The following ZCWPW2 variants were observed in gnomAD, a reference collection of about 807,000 sequenced individuals.
The protein encoded by ZCWPW2 is zinc finger CW-type PWWP domain protein 2.
A neutral mutation model predicts 46.6 loss-of-function variants in ZCWPW2; 45 were observed. The ratio of observed to expected loss-of-function variants is 0.96; its 90% CI spans 0.76 to 1.24. The LOEUF (loss-of-function observed/expected upper bound fraction) is 1.24, where lower values mean the gene tolerates loss of function less well. ZCWPW2 is among the 50% of genes most tolerant of loss of function. The pLI is 0.00. For synonymous variants in ZCWPW2, 152 were observed against 137.1 expected, an observed-to-expected ratio of 1.11 and a Z score of -0.76; for missense variants, 429 against 403.9, an observed-to-expected ratio of 1.06 and a Z score of -0.53.
intron 6 of ZCWPW2, among the ~76,000 whole-genome samples, chr3:28,506,621 A>G (rs1700285768): frequency 6.6e-6 from 1 of 152,096 alleles, no homozygotes; most frequent in South Asian, 2.1e-4. Flanking sequence ...CAAGGTAAGG[A>G]TAGTAAGATG....
chr3:28,474,405 T>C (rs564210119), intron 4 of ZCWPW2, among the ~76,000 whole-genome samples: 2 of 152,188 alleles, frequency 1.3e-5, no homozygotes, highest in Non-Finnish European at 2.9e-5. Flanking sequence ...AAATGACATA[T>C]GGACAAAATG....
chr3:28,496,912 C>T (rs1218344315), intron 6 of ZCWPW2, among the ~76,000 whole-genome samples: 1 of 151,116 alleles, frequency 6.6e-6, no homozygotes. Context: ...AAGTAAGTAA[C>T]TGCTTCTAGA....
intron 1 of ZCWPW2, among the ~76,000 whole-genome samples, chr3:28,376,581 C>G (rs1315871580): frequency 6.6e-6 from 1 of 152,090 alleles, no homozygotes; most frequent in African/African-American, 2.4e-5. Context: ...AAGTCTGATT[C>G]TCTATACTGT....
intron 4 of ZCWPW2, chr3:28,447,658 C>A (rs540946903): frequency 1.2e-4 from 45 of 365,738 alleles, no homozygotes; most frequent in Middle Eastern, 9.3e-4. Context: ...CTAGCCAGAG[C>A]AATTAGGCAA....
chr3:28,430,467 CTTGCCT>C (rs746261535), intron 3 of ZCWPW2, among the ~76,000 whole-genome samples: 1 of 152,200 alleles, frequency 6.6e-6, no homozygotes, highest in Non-Finnish European at 1.5e-5. Flanking sequence ...ACAGAAGGGA[CTTGCCT>C]TGTCTCAGAT....
intron 5 of ZCWPW2, among the ~76,000 whole-genome samples, chr3:28,491,128 G>C (rs2125816024): frequency 6.6e-6 from 1 of 152,210 alleles, no homozygotes; most frequent in African/African-American, 2.4e-5. Context: ...TTGCAAAAGA[G>C]GTGGAGTTTT....
At chr3:28,513,445 C>T (rs1210202842) in intron 6 of ZCWPW2, among the ~76,000 whole-genome samples, 1 of 152,068 alleles carries the variant, frequency 6.6e-6, no homozygotes, top group Non-Finnish European at 1.5e-5. Context: ...TGTCAGACTG[C>T]GTACTACCTT....
rs1222240139 is a variant in ZCWPW2 at position 28,525,082 on chromosome 3, G to A, written c.*394G>A. Reference sequence around the variant, plus strand: ...AGGTAATTCAAATCTAATAAACTTAGAGAATGTATATTTGCAGTGGAATCA... The same window carrying A: ...AGGTAATTCAAATCTAATAAACTTAAAGAATGTATATTTGCAGTGGAATCA... On this transcript the variant is annotated 3_prime_UTR_variant, in exon 10 of 10. Transcript: ENST00000383768. 6.6e-6 allele frequency: 1 copy of A among 152,482 alleles called. No individual in the cohort carries two copies. The highest frequency in any genetic ancestry group is 2.4e-5 in the African/African-American group (1 of 41,430). The allele number at this position is 152,482 out of a possible 1,614,324, so 9.4% of individuals were successfully genotyped here. A position where few individuals can be genotyped will look rare whatever the true frequency, so the allele number is the denominator to read the frequency against.
At chr3:28,356,569 G>A (rs1559471199) in intron 1 of ZCWPW2, among the ~76,000 whole-genome samples, 1 of 152,170 alleles carries the variant, frequency 6.6e-6, no homozygotes, top group South Asian at 2.1e-4. Context: ...GTTTGTTGCG[G>A]CACTATTCAC....
chr3:28,458,387 A>C (rs975214528), intron 4 of ZCWPW2, among the ~76,000 whole-genome samples: 1 of 152,224 alleles, frequency 6.6e-6, no homozygotes, highest in Non-Finnish European at 1.5e-5. Flanking sequence ...TATTAGGTTC[A>C]TTAAATTGTA....
intron 2 of ZCWPW2, among the ~76,000 whole-genome samples, chr3:28,405,112 G>A (rs1696106943): frequency 6.6e-6 from 1 of 152,164 alleles, no homozygotes; most frequent in South Asian, 2.1e-4. Flanking sequence ...TGAAATAAAT[G>A]TGGTTATGGA....
chr3:28,439,463 A>C (rs1387463828), intron 4 of ZCWPW2, among the ~76,000 whole-genome samples: 3 of 152,028 alleles, frequency 2.0e-5, no homozygotes, highest in Admixed American at 2.0e-4. Context: ...CTCAAATGTT[A>C]ATCTCCTTTG....
intron 4 of ZCWPW2, among the ~76,000 whole-genome samples, chr3:28,464,573 G>A (rs1212887273): frequency 6.6e-6 from 1 of 152,048 alleles, no homozygotes; most frequent in African/African-American, 2.4e-5. Context: ...TGCCATAATA[G>A]AAGACAAATA....
At chr3:28,509,179 T>G (rs2125830034) in intron 6 of ZCWPW2, among the ~76,000 whole-genome samples, 1 of 152,320 alleles carries the variant, frequency 6.6e-6, no homozygotes, top group Non-Finnish European at 1.5e-5. Context: ...TTCATCATTT[T>G]TAATGGCTGA....
In ZCWPW2 at chr3:28,351,451, G is replaced by A. The variant is rs1187790228; in HGVS notation, c.-134+2248G>A. The A allele has an allele frequency of 2.0e-5, 3 of 151,480 alleles. No individual in the cohort carries two copies. In the East Asian group the frequency reaches 5.8e-4, roughly 29 times the overall value. 9.4% of individuals were successfully genotyped at this position (151,480 alleles called of 1,614,324 possible). A position where few individuals can be genotyped will look rare whatever the true frequency, so the allele number is the denominator to read the frequency against. ...ATCTTAACAAAGAATATGGGCCCTAGTACAACTTCTGACTGTAGCTTAGCC... is the reference window on the plus strand; with the variant it reads ...ATCTTAACAAAGAATATGGGCCCTAATACAACTTCTGACTGTAGCTTAGCC... On this transcript the variant is annotated intron_variant, in intron 1 of 9. Coordinates refer to ENST00000383768, the MANE Select transcript of ZCWPW2 (RefSeq NM_001040432.4).
At chr3:28,442,105 G>C (rs934653105) in intron 4 of ZCWPW2, among the ~76,000 whole-genome samples, 2 of 152,132 alleles carry the variant, frequency 1.3e-5, no homozygotes, top group African/African-American at 4.8e-5. Context: ...TCCTGTTCTG[G>C]ACCACACTCA....
chr3:28,359,843 C>T (rs1458415206), intron 1 of ZCWPW2, among the ~76,000 whole-genome samples: 1 of 152,082 alleles, frequency 6.6e-6, no homozygotes, highest in East Asian at 1.9e-4. Context: ...GTCCCATCTT[C>T]TCTTGGCTAA....
At chr3:28,475,830 C>T (rs1404452183) in intron 4 of ZCWPW2, among the ~76,000 whole-genome samples, 1 of 152,126 alleles carries the variant, frequency 6.6e-6, no homozygotes, top group Admixed American at 6.5e-5. Flanking sequence ...ACCTTGACCA[C>T]TCATTACCCA....
intron 4 of ZCWPW2, among the ~76,000 whole-genome samples, chr3:28,455,432 G>A (rs761362261): frequency 6.6e-6 from 1 of 152,116 alleles, no homozygotes; most frequent in African/African-American, 2.4e-5. Flanking sequence ...CATTCTGTAG[G>A]TTGCCTGTTT....
Sources: allele counts gnomAD v4.1 joint callset (sites outside exome capture counted in the v4.1 genomes callset), GRCh38; gene constraint gnomAD v4.1.1; transcripts MANE v1.5; gene names NCBI Gene and HGNC (gene_info 2026-07-23, HGNC 2026-07-21).